The following DIAPH3 variants were observed in gnomAD, a reference collection of about 807,000 sequenced individuals.
DIAPH3 encodes protein diaphanous homolog 3.
In DIAPH3, 117 loss-of-function variants were observed where a neutral mutation model predicts 144.3. The ratio of observed to expected loss-of-function variants is 0.81; its 90% CI spans 0.70 to 0.95. The LOEUF (loss-of-function observed/expected upper bound fraction) is 0.95. Ranked by LOEUF, DIAPH3 falls within the 40% of genes least tolerant of loss-of-function variation. DIAPH3 has a pLI of 0.00. For missense variants in DIAPH3, 1,421 were observed against 1,412.7 expected, an observed-to-expected ratio of 1.01 and a Z score of -0.09; for synonymous variants, 519 against 488.9, an observed-to-expected ratio of 1.06 and a Z score of -0.81.
Position 60,043,282 on chromosome 13 carries a change from C to T in DIAPH3, c.496-462G>A, listed in dbSNP as rs1443253556. ...TGTAGACACATGGATTAACAAAAAG[C>T]GAAGTCTGGAAGAAATGCAAGCAAG... is the stretch of plus-strand genomic sequence containing the variant. On this transcript the variant is annotated intron_variant, in intron 4 of 27. Coordinates refer to ENST00000400324, the MANE Select transcript of DIAPH3 (RefSeq NM_001042517.2). 2.6e-5 allele frequency among the ~76,000 whole-genome samples: 4 copies of T among 152,072 alleles called. No individual in the cohort carries two copies. In the South Asian group the frequency reaches 6.2e-4, roughly 24 times the overall value.
Position 59,697,647 on chromosome 13 carries a change from T to C in DIAPH3, c.3320-30801A>G, listed in dbSNP as rs372103084. ...GCCTCTTTAGCTCTGACAGAGTTAT[T>C]ATTAGAGATATGTGACAGATCTAAG... On this transcript the variant is annotated intron_variant, in intron 27 of 27. Coordinates refer to ENST00000400324, the MANE Select transcript of DIAPH3 (RefSeq NM_001042517.2). 2.0e-5 allele frequency among the ~76,000 whole-genome samples: 3 copies of C among 152,044 alleles called. No homozygotes were observed. The East Asian group carries it at 5.8e-4, about 29-fold the overall frequency.
chr13:59,904,922 T>C (rs1483445196), intron 20 of DIAPH3, among the ~76,000 whole-genome samples: 1 of 152,026 alleles, frequency 6.6e-6, no homozygotes, highest in East Asian at 1.9e-4. Context: ...AAATACATAA[T>C]AACTGCTTCG....
chr13:59,821,198 A>C lies in DIAPH3; in HGVS notation c.3028-10275T>G, dbSNP rs200445494. Reference sequence around the variant, plus strand: ...AATGAGATTAGATTAGACAAACCTAACTTAAGTCTCCATGTTTTCCAGGGG... The same window carrying C: ...AATGAGATTAGATTAGACAAACCTACCTTAAGTCTCCATGTTTTCCAGGGG... On this transcript the variant is annotated intron_variant, in intron 24 of 27. Coordinates refer to ENST00000400324, the MANE Select transcript of DIAPH3 (RefSeq NM_001042517.2). Among the ~76,000 whole-genome samples the C allele has an allele frequency of 3.9e-5, 6 of 152,028 alleles. No individual in the cohort carries two copies. In the East Asian group the frequency reaches 1.2e-3, roughly 29 times the overall value.
At chr13:60,080,667 A>T (rs1218991527) in intron 4 of DIAPH3, among the ~76,000 whole-genome samples, 1 of 151,952 alleles carries the variant, frequency 6.6e-6, no homozygotes, top group Non-Finnish European at 1.5e-5. Context: ...GGAATGAAAT[A>T]ACATTACATT....
intron 20 of DIAPH3, among the ~76,000 whole-genome samples, chr13:59,895,390 A>C (rs1429415940): frequency 2.6e-5 from 4 of 151,434 alleles, no homozygotes; most frequent in African/African-American, 9.7e-5. Flanking sequence ...AATGGAAAAT[A>C]GCAGACTTGC....
chr13:60,144,180 G>A (rs1015547388), intron 1 of DIAPH3, among the ~76,000 whole-genome samples: 1 of 152,100 alleles, frequency 6.6e-6, no homozygotes, highest in Non-Finnish European at 1.5e-5. Context: ...GACTACATAT[G>A]AGAATCACCT....
At chr13:59,728,656 A>C (rs1054672988) in intron 27 of DIAPH3, among the ~76,000 whole-genome samples, 1 of 152,116 alleles carries the variant, frequency 6.6e-6, no homozygotes, top group Non-Finnish European at 1.5e-5. Flanking sequence ...ACTTATATAT[A>C]AACATCAATC....
intron 5 of DIAPH3, among the ~76,000 whole-genome samples, chr13:60,019,385 A>G (rs117187533): frequency 0.014 from 2,123 of 152,298 alleles, 64 homozygotes; most frequent in East Asian, 0.1. Context: ...GAAATGACAT[A>G]GAGATCAGTA....
chr13:60,003,357 T>G (rs113459144), intron 9 of DIAPH3, among the ~76,000 whole-genome samples: 3,084 of 152,220 alleles, frequency 0.02, 50 homozygotes, highest in Non-Finnish European at 0.032. Flanking sequence ...CATATTTAAT[T>G]TTGTAATAAC....
intron 27 of DIAPH3, among the ~76,000 whole-genome samples, chr13:59,680,773 T>C (rs1271821648): frequency 1.3e-5 from 2 of 152,150 alleles, no homozygotes; most frequent in Non-Finnish European, 2.9e-5. Flanking sequence ...AATTAATTAT[T>C]CTATTTCTAA....
chr13:60,103,108 T>A (rs2058318486), intron 3 of DIAPH3, among the ~76,000 whole-genome samples: 1 of 152,072 alleles, frequency 6.6e-6, no homozygotes, highest in Non-Finnish European at 1.5e-5. Context: ...ACTGATTTTT[T>A]AAAAATAGTA....
At chr13:59,942,570 T>G (rs986184620) in intron 17 of DIAPH3, among the ~76,000 whole-genome samples, 2 of 152,134 alleles carry the variant, frequency 1.3e-5, no homozygotes, top group African/African-American at 4.8e-5. Flanking sequence ...GAAGTACAAT[T>G]TTTAAAAAGT....
intron 21 of DIAPH3, among the ~76,000 whole-genome samples, chr13:59,867,795 G>C (rs1336720420): frequency 6.6e-6 from 1 of 151,964 alleles, no homozygotes; most frequent in African/African-American, 2.4e-5. Context: ...TTACAAAAAA[G>C]GACTATTTTC....
chr13:59,776,614 T>C (rs939396398), intron 25 of DIAPH3, among the ~76,000 whole-genome samples: 1 of 152,032 alleles, frequency 6.6e-6, no homozygotes, highest in African/African-American at 2.4e-5. Flanking sequence ...TGTTTTCATA[T>C]TGATAGATTA....
intron 20 of DIAPH3, among the ~76,000 whole-genome samples, chr13:59,885,732 C>T (rs984623932): frequency 3.3e-5 from 5 of 152,008 alleles, no homozygotes; most frequent in Non-Finnish European, 5.9e-5. Flanking sequence ...TTAAGAATCT[C>T]AAGATGAAAT....
chr13:60,066,866 CTCAATA>C (rs2056988407), intron 4 of DIAPH3, among the ~76,000 whole-genome samples: 1 of 152,208 alleles, frequency 6.6e-6, no homozygotes, highest in African/African-American at 2.4e-5. Flanking sequence ...TCATACATAT[CTCAATA>C]TCATCAAGTT....
rs1593604921 is a variant in DIAPH3 at position 59,835,278 on chromosome 13, T to G, written c.2863-2007A>C. 6.6e-5 allele frequency among the ~76,000 whole-genome samples: 10 copies of G among 151,866 alleles called. No individual in the cohort carries two copies. In the South Asian group the frequency reaches 1.7e-3, roughly 25 times the overall value. On this transcript the variant is annotated intron_variant, in intron 23 of 27. Coordinates refer to ENST00000400324, the MANE Select transcript of DIAPH3 (RefSeq NM_001042517.2). ...ACAGTAGCTAACAAGTCAGGCAAAG[T>G]CCTTGCTGTCAAGAAACATTTTAGA...
intron 27 of DIAPH3, among the ~76,000 whole-genome samples, chr13:59,688,533 A>G (rs993111150): frequency 6.6e-6 from 1 of 152,096 alleles, no homozygotes; most frequent in East Asian, 1.9e-4. Flanking sequence ...GGAACCACCA[A>G]GAAGTTTAAG....
At chr13:60,082,953 G>A (rs534573444) in intron 4 of DIAPH3, among the ~76,000 whole-genome samples, 5 of 152,130 alleles carry the variant, frequency 3.3e-5, no homozygotes, top group South Asian at 2.1e-4. Flanking sequence ...ATCCACACAC[G>A]CTTTTTTAGT....
Sources: gnomAD v4.1 joint callset for allele counts (sites outside exome capture counted in the v4.1 genomes callset) on GRCh38, gnomAD v4.1.1 for gene constraint, MANE v1.5 for transcripts, NCBI Gene and HGNC (gene_info 2026-07-23, HGNC 2026-07-21) for gene names.